CSMD1: variants seen among roughly 807,000 people sequenced by gnomAD.
The protein encoded by CSMD1 is CUB and sushi domain-containing protein 1.
In CSMD1, 213 loss-of-function variants were observed where a neutral mutation model predicts 417.5. The ratio of observed to expected loss-of-function variants is 0.51; its 90% confidence interval spans 0.46 to 0.57. CSMD1 has a LOEUF of 0.57. Among genes scored for constraint, CSMD1 ranks in the 20% least tolerant of loss-of-function variants. CSMD1 has a pLI of 0.00. For missense variants in CSMD1, 6,923 were observed against 4,529.7 expected, an observed-to-expected ratio of 1.53 and a Z score of -15.17; for synonymous variants, 2,862 against 1,736.8, an observed-to-expected ratio of 1.65 and a Z score of -16.11.
chr8:4,570,079 T>C (rs1430232825), intron 2 of CSMD1, among the ~76,000 whole-genome samples: 1 of 152,202 alleles, frequency 6.6e-6, no homozygotes, highest in Admixed American at 6.5e-5. Context: ...TCACGTCGTC[T>C]GCAAACAGAG....
In CSMD1 at chr8:3,892,682, T is replaced by G. The variant is rs147657624; in HGVS notation, c.818+105221A>C. Among the ~76,000 whole-genome samples the G allele has an allele frequency of 2.4e-3, 360 of 151,524 alleles. 1 individual carries two copies. The highest frequency in any genetic ancestry group is 8.5e-3 in the African/African-American group (349 of 41,176). ...TTTGGAGACTGGGTTCAAGGTGAATTAAGTAGGCACTTATTTGAGTACATT... is the reference window on the plus strand; with the variant it reads ...TTTGGAGACTGGGTTCAAGGTGAATGAAGTAGGCACTTATTTGAGTACATT... On this transcript the variant is annotated intron_variant, in intron 5 of 69. Transcript: ENST00000635120.
At position 3,521,703 on chromosome 8, in the gene CSMD1, G is replaced by T. The variant is rs1159881479; in HGVS notation, c.1345-27977C>A. 4.6e-5 allele frequency among the ~76,000 whole-genome samples: 7 copies of T among 152,326 alleles called. No individual in the cohort carries two copies. In the East Asian group the frequency reaches 9.6e-4, roughly 21 times the overall value. Reference sequence around the variant, plus strand: ...TGTTAAAGGTCATCAACCATGACCAGAATTTTCTTAATGAGAACAGTATGC... The same window carrying T: ...TGTTAAAGGTCATCAACCATGACCATAATTTTCTTAATGAGAACAGTATGC... On this transcript the variant is annotated intron_variant, in intron 10 of 69. Transcript: ENST00000635120.
chr8:4,348,584 T>C (rs1584937802), intron 3 of CSMD1, among the ~76,000 whole-genome samples: 1 of 126,322 alleles, frequency 7.9e-6, no homozygotes, highest in South Asian at 2.7e-4. Flanking sequence ...TGTGTGTGTA[T>C]GCATGTGTGT....
At chr8:4,323,687 A>C (rs944954472) in intron 3 of CSMD1, among the ~76,000 whole-genome samples, 1 of 152,170 alleles carries the variant, frequency 6.6e-6, no homozygotes, top group Non-Finnish European at 1.5e-5. Flanking sequence ...TTATATAGGA[A>C]ATGTATAAAA....
At chr8:4,526,812 G>A (rs962915739) in intron 2 of CSMD1, among the ~76,000 whole-genome samples, 1 of 152,084 alleles carries the variant, frequency 6.6e-6, no homozygotes, top group Non-Finnish European at 1.5e-5. Context: ...TCTAACCCTG[G>A]AGAATAAATT....
At chr8:4,389,065 T>C (rs1024357784) in intron 3 of CSMD1, among the ~76,000 whole-genome samples, 2 of 152,234 alleles carry the variant, frequency 1.3e-5, no homozygotes, top group South Asian at 2.1e-4. Flanking sequence ...TACATTTGCT[T>C]TTCTCTTACT....
At chr8:4,593,017 C>T (rs1350245732) in intron 2 of CSMD1, among the ~76,000 whole-genome samples, 1 of 152,094 alleles carries the variant, frequency 6.6e-6, no homozygotes, top group Non-Finnish European at 1.5e-5. Flanking sequence ...TAGAAAATTT[C>T]TTATTGGTCT....
chr8:3,486,360 G>T (rs1433750280), intron 11 of CSMD1, among the ~76,000 whole-genome samples: 2 of 152,170 alleles, frequency 1.3e-5, no homozygotes, highest in African/African-American at 4.8e-5. Flanking sequence ...CACTGTAAAT[G>T]CATGCATCTA....
At chr8:3,660,868 G>C (rs369833240) in intron 7 of CSMD1, among the ~76,000 whole-genome samples, 1 of 152,082 alleles carries the variant, frequency 6.6e-6, no homozygotes, top group Non-Finnish European at 1.5e-5. Flanking sequence ...GAATTCAATT[G>C]TTCAGACTCT....
intron 3 of CSMD1, among the ~76,000 whole-genome samples, chr8:4,270,129 G>C (rs927347034): frequency 3.3e-5 from 5 of 152,328 alleles, no homozygotes; most frequent in East Asian, 1.9e-4. Context: ...CTTTGGTTGT[G>C]ATAGGGAGGC....
chr8:3,061,517 A>G (rs1354038839), intron 49 of CSMD1, among the ~76,000 whole-genome samples: 1 of 152,150 alleles, frequency 6.6e-6, no homozygotes. Context: ...GATGCACTCG[A>G]GCAAACACTG....
intron 5 of CSMD1, among the ~76,000 whole-genome samples, chr8:3,852,238 A>C (rs537239784): frequency 6.8e-4 from 103 of 152,274 alleles, no homozygotes; most frequent in Non-Finnish European, 1.4e-3. Context: ...AACATGCACC[A>C]GATGTGGGGA....
intron 1 of CSMD1, among the ~76,000 whole-genome samples, chr8:4,947,702 T>A (rs1288519308): frequency 1.3e-5 from 2 of 152,144 alleles, no homozygotes; most frequent in South Asian, 2.1e-4. Flanking sequence ...TCATCATAAA[T>A]ATATTTTGTC....
chr8:3,337,579 T>C (rs1807351492), intron 23 of CSMD1, among the ~76,000 whole-genome samples: 1 of 152,192 alleles, frequency 6.6e-6, no homozygotes, highest in Admixed American at 6.5e-5. Context: ...ATGCTATGTC[T>C]AATGCTGATG....
intron 26 of CSMD1, among the ~76,000 whole-genome samples, chr8:3,247,570 G>A (rs928333634): frequency 6.6e-6 from 1 of 152,156 alleles, no homozygotes; most frequent in African/African-American, 2.4e-5. Flanking sequence ...AATACGCAGA[G>A]GATGGCCCAG....
chr8:3,312,024 TAAG>T (rs750153503), intron 23 of CSMD1, among the ~76,000 whole-genome samples: 1 of 152,200 alleles, frequency 6.6e-6, no homozygotes, highest in Non-Finnish European at 1.5e-5. Flanking sequence ...AAAATTAGTT[TAAG>T]AAGAAACATT....
At position 3,399,409 on chromosome 8, in the gene CSMD1, A is replaced by T. The variant is rs1321747688; in HGVS notation, c.2387T>A (p.Ile796Asn). 1 of 1,605,214 alleles carries T rather than the reference A, an allele frequency of 6.2e-7. No individual in the cohort carries two copies. Among genetic ancestry groups the T allele is most frequent in the Admixed American group, 1.7e-5 (1 of 58,472 alleles). Reference protein sequence around the residue: ...WIIEAKPGHSIKITFDRFQTE... With the variant: ...WIIEAKPGHSNKITFDRFQTE... ...TTCTTACCTGTCAAAAGTTATTTTGATAGAGTGGCCTGGTTTTGCTTCAAT... is the reference window on the plus strand; with the variant it reads ...TTCTTACCTGTCAAAAGTTATTTTGTTAGAGTGGCCTGGTTTTGCTTCAAT... The change falls in exon 16 of 70, where the codon ATC (isoleucine) becomes AAC (asparagine). Residue 796 changes from isoleucine (I) to asparagine (N), a missense_variant. By Grantham distance (149) the Ile-to-Asn change is moderately radical. Coordinates refer to ENST00000635120, the MANE Select transcript of CSMD1 (RefSeq NM_033225.6).
At chr8:4,114,487 C>G (rs187873308) in intron 3 of CSMD1, among the ~76,000 whole-genome samples, 1 of 152,130 alleles carries the variant, frequency 6.6e-6, no homozygotes. Context: ...TGTCTTCATG[C>G]CAGCTAATAA....
rs569865782 is a variant in CSMD1, at chr8:4,238,472, C to T, written c.415+181481G>A. Among the ~76,000 whole-genome samples, 5 of 152,250 alleles carry T rather than the reference C, an allele frequency of 3.3e-5. No homozygotes were observed. In the East Asian group the frequency reaches 7.7e-4, roughly 24 times the overall value. On this transcript the variant is annotated intron_variant, in intron 3 of 69. Coordinates refer to ENST00000635120, the MANE Select transcript of CSMD1 (RefSeq NM_033225.6). ...ATGGACAAAGATGGGAGCACACTGC[C>T]TTAGGGTAAGGAGGCACATTAAGAG...
Sources: gnomAD v4.1 joint callset for allele counts (sites outside exome capture counted in the v4.1 genomes callset) on GRCh38, gnomAD v4.1.1 for gene constraint, MANE v1.5 for transcripts, NCBI Gene and HGNC (gene_info 2026-07-23, HGNC 2026-07-21) for gene names.